ELAPOR1: variants seen among roughly 807,000 people sequenced by gnomAD.
The protein encoded by ELAPOR1 is endosome/lysosome-associated apoptosis and autophagy regulator 1.
ELAPOR1 carries 77 observed loss-of-function variants against 119.7 expected under a neutral mutation model. The observed-to-expected ratio is 0.64, with a 90% confidence interval of 0.54 to 0.78. The LOEUF (loss-of-function observed/expected upper bound fraction) is 0.78, where lower values mean the gene tolerates loss of function less well. Among genes scored for constraint, ELAPOR1 ranks in the 30% least tolerant of loss-of-function variants. The probability of loss-of-function intolerance (pLI) is 0.00; values close to 1 mark genes in which losing one functional copy is unlikely to be tolerated. For missense variants in ELAPOR1, 1,115 were observed against 1,270.4 expected, an observed-to-expected ratio of 0.88 and a Z score of 1.86; for synonymous variants, 481 against 487.2, an observed-to-expected ratio of 0.99 and a Z score of 0.17.
intron 1 of ELAPOR1, among the ~76,000 whole-genome samples, chr1:109,121,416 G>A (rs1048209004): frequency 6.6e-6 from 1 of 152,228 alleles, no homozygotes; most frequent in South Asian, 2.1e-4. Context: ...CAAAGTGCGT[G>A]AGCCACTGTG....
chr1:109,145,644 A>G (rs1426955606), intron 1 of ELAPOR1, among the ~76,000 whole-genome samples: 1 of 152,136 alleles, frequency 6.6e-6, no homozygotes, highest in Non-Finnish European at 1.5e-5. Flanking sequence ...CAACAGAGCA[A>G]GAGACTCTGT....
chr1:109,129,451 G>T (rs1288655855), intron 1 of ELAPOR1, among the ~76,000 whole-genome samples: 2 of 152,246 alleles, frequency 1.3e-5, no homozygotes, highest in African/African-American at 4.8e-5. Context: ...AGTGGAGGTT[G>T]CAGTGAGCCG....
chr1:109,129,524 G>GAAACA (rs751037683), intron 1 of ELAPOR1, among the ~76,000 whole-genome samples: 115 of 152,048 alleles, frequency 7.6e-4, no homozygotes, highest in Non-Finnish European at 2.1e-4. Flanking sequence ...AAAAACCAAC[G>GAAACA]AAACAAAACA....
At chr1:109,171,342 G>A (rs980981980) in intron 3 of ELAPOR1, among the ~76,000 whole-genome samples, 7 of 152,072 alleles carry the variant, frequency 4.6e-5, no homozygotes, top group African/African-American at 1.4e-4. Context: ...GAGGTCAGGA[G>A]TTCGAGACCA....
intron 1 of ELAPOR1, among the ~76,000 whole-genome samples, chr1:109,143,697 T>C (rs1246361725): frequency 1.3e-5 from 2 of 152,016 alleles, no homozygotes; most frequent in African/African-American, 4.8e-5. Flanking sequence ...TGAGACAGGG[T>C]CTCACTTTGT....
At chr1:109,184,702 A>G (rs780314041) in intron 7 of ELAPOR1, among the ~76,000 whole-genome samples, 1 of 152,240 alleles carries the variant, frequency 6.6e-6, no homozygotes, top group Non-Finnish European at 1.5e-5. Flanking sequence ...TTAGGTTGGC[A>G]GTGGTTAACC....
chr1:109,184,031 T>A (rs2101092036), intron 7 of ELAPOR1, among the ~76,000 whole-genome samples: 1 of 152,014 alleles, frequency 6.6e-6, no homozygotes, highest in Middle Eastern at 3.4e-3. Flanking sequence ...CAGTCCAGCC[T>A]CAGCAACAGA....
intron 1 of ELAPOR1, among the ~76,000 whole-genome samples, chr1:109,158,886 T>C (rs1367284435): frequency 3.3e-5 from 5 of 151,058 alleles, no homozygotes; most frequent in African/African-American, 7.3e-5. Flanking sequence ...TCTCTAAGCT[T>C]ATGTCTTTTT....
chr1:109,194,012 G>C lies in ELAPOR1; in HGVS notation c.1948-409G>C, dbSNP rs115142293. On this transcript the variant is annotated intron_variant, in intron 14 of 21. Transcript: ENST00000369939. ...GAGTTCAGTGAGTTTTGCACTGTGA[G>C]GGGGTGAGGAGGGAGCAAGAAAAGT... 3.3e-3 allele frequency among the ~76,000 whole-genome samples: 508 copies of C among 152,302 alleles called. 2 individuals carry two copies. The highest frequency in any genetic ancestry group is 6.1e-3 in the Non-Finnish European group (414 of 68,026).
chr1:109,118,183 A>T lies in ELAPOR1; in HGVS notation c.153+3847A>T, dbSNP rs536952323. On this transcript the variant is annotated intron_variant, in intron 1 of 21. Transcript: ENST00000369939. ...AATTAATTCAAACAGTTGGCACTTG[A>T]CCTGCTTCTGTGATTGATAATCAGC... Among the ~76,000 whole-genome samples the T allele has an allele frequency of 1.5e-4, 23 of 152,206 alleles. No homozygotes were observed. In the South Asian group the frequency reaches 4.8e-3, roughly 32 times the overall value.
At position 109,182,709 on chromosome 1, in the gene ELAPOR1, T is replaced by C. The variant is rs564857118; in HGVS notation, c.953-2336T>C. ...GGTGAAACCCTGTCTCTACTAAAAATACAAAAAATTAGCCAGGCATGGTGG... is the reference window on the plus strand; with the variant it reads ...GGTGAAACCCTGTCTCTACTAAAAACACAAAAAATTAGCCAGGCATGGTGG... On this transcript the variant is annotated intron_variant, in intron 7 of 21. Transcript: ENST00000369939. Among the ~76,000 whole-genome samples, 416 of 151,770 alleles carry C rather than the reference T, an allele frequency of 2.7e-3. 1 individual carries two copies. The highest frequency in any genetic ancestry group is 9.5e-3 in the African/African-American group (391 of 41,370).
At chr1:109,189,436 A>G (rs1653286687) in intron 10 of ELAPOR1, among the ~76,000 whole-genome samples, 156 bp from the exon 11 acceptor site, 1 of 152,150 alleles carries the variant, frequency 6.6e-6, no homozygotes, top group Non-Finnish European at 1.5e-5. Flanking sequence ...AGGGTTTTTG[A>G]CCAAAGTGGC....
chr1:109,199,819 G>C (rs367748021), intron 18 of ELAPOR1, 35 bp from the exon 19 acceptor site: 1 of 1,603,788 alleles, frequency 6.2e-7, no homozygotes, highest in South Asian at 1.1e-5. Context: ...CCCCTCCAGC[G>C]AGTGAGAGCT....
In ELAPOR1 at chr1:109,202,869, A is replaced by G. The variant is rs772918110; in HGVS notation, c.2974-75A>G. On this transcript the variant is annotated intron_variant, in intron 21 of 21. Coordinates refer to ENST00000369939, the MANE Select transcript of ELAPOR1 (RefSeq NM_020775.5). ...TTCATAAGGGTTCCTTCTGTCACCT[A>G]TTTTCCATTTCTCTCCTTTGTCCCC... 34 of 1,387,110 alleles carry G rather than the reference A, an allele frequency of 2.5e-5. No homozygotes were observed. The Middle Eastern group carries it at 1.1e-3, about 43-fold the overall frequency. The allele number at this position is 1,387,110 out of a possible 1,614,324, so 85.9% of individuals were successfully genotyped here. A position where few individuals can be genotyped will look rare whatever the true frequency, so the allele number is the denominator to read the frequency against.
intron 1 of ELAPOR1, among the ~76,000 whole-genome samples, chr1:109,134,529 G>A (rs1366989945): frequency 6.6e-6 from 1 of 152,046 alleles, no homozygotes. Context: ...CTGGCCCTCT[G>A]TGTAACATAA....
chr1:109,142,397 G>A (rs1376941493), intron 1 of ELAPOR1, among the ~76,000 whole-genome samples: 1 of 152,176 alleles, frequency 6.6e-6, no homozygotes, highest in Non-Finnish European at 1.5e-5. Flanking sequence ...GCTCTCTAGG[G>A]AGGTGAAAGG....
intron 1 of ELAPOR1, among the ~76,000 whole-genome samples, chr1:109,117,947 T>C (rs1648130715): frequency 1.3e-5 from 2 of 151,814 alleles, no homozygotes; most frequent in Non-Finnish European, 2.9e-5. Context: ...CTGGCCAACA[T>C]TGAAACCCTG....
chr1:109,169,534 C>A (rs893868419), intron 3 of ELAPOR1, among the ~76,000 whole-genome samples: 1 of 152,138 alleles, frequency 6.6e-6, no homozygotes, highest in Admixed American at 6.5e-5. Context: ...CAGGCATGAG[C>A]CACCACGCCC....
At chr1:109,116,680 C>CTTTTTTTT (rs71069649) in intron 1 of ELAPOR1, among the ~76,000 whole-genome samples, 4 of 96,868 alleles carry the variant, frequency 4.1e-5, no homozygotes, top group African/African-American at 1.1e-4. Flanking sequence ...CTTCTCTGTT[C>CTTTTTTTT]TTTTTTTTTT....
Sources: gnomAD v4.1 joint callset for allele counts (sites outside exome capture counted in the v4.1 genomes callset) on GRCh38, gnomAD v4.1.1 for gene constraint, MANE v1.5 for transcripts, NCBI Gene and HGNC (gene_info 2026-07-23, HGNC 2026-07-21) for gene names.